Variants in NEGR1 observed in about 807,000 individuals in gnomAD.
NEGR1 encodes neuronal growth regulator 1.
NEGR1 carries 10 observed loss-of-function variants against 40.9 expected under a neutral mutation model. That is an observed-to-expected ratio of 0.24 (90% CI 0.15 to 0.42). The LOEUF is 0.42. Among genes scored for constraint, NEGR1 ranks in the 10% least tolerant of loss-of-function variants. The probability of loss-of-function intolerance (pLI) is 1.00; values close to 1 mark genes in which losing one functional copy is unlikely to be tolerated. For missense variants in NEGR1, 352 were observed against 438.9 expected (o/e 0.80, Z 1.77); for synonymous variants, 185 against 166.8 (o/e 1.11, Z -0.84).
rs1406482295 is a variant in NEGR1 at position 71,495,895 on chromosome 1, A to C, written c.941-88325T>G. On this transcript the variant is annotated intron_variant, in intron 6 of 6. Coordinates refer to ENST00000357731, the MANE Select transcript of NEGR1 (RefSeq NM_173808.3). ...GTTTTAAAGCACTTACTAGGCACTGAAAATGTGTCATCAACTCTCCAGGGA... is the reference window on the plus strand; with the variant it reads ...GTTTTAAAGCACTTACTAGGCACTGCAAATGTGTCATCAACTCTCCAGGGA... Among the ~76,000 whole-genome samples, 5 of 152,188 alleles carry C rather than the reference A, an allele frequency of 3.3e-5. No individual in the cohort carries two copies. The East Asian group carries it at 5.8e-4, about 18-fold the overall frequency.
intron 1 of NEGR1, among the ~76,000 whole-genome samples, chr1:72,045,647 G>C (rs1332644354): frequency 2.6e-5 from 4 of 151,796 alleles, no homozygotes; most frequent in Non-Finnish European, 4.4e-5. Flanking sequence ...CAGCCATGTG[G>C]AACTGTAAAT....
intron 2 of NEGR1, among the ~76,000 whole-genome samples, chr1:71,888,376 T>C (rs891278122): frequency 3.3e-5 from 5 of 152,178 alleles, no homozygotes; most frequent in South Asian, 2.1e-4. Flanking sequence ...TGCGCGAGCC[T>C]AAGCAGGGCG....
At chr1:71,835,017 T>C (rs1417920760) in intron 2 of NEGR1, among the ~76,000 whole-genome samples, 1 of 151,972 alleles carries the variant, frequency 6.6e-6, no homozygotes, top group Non-Finnish European at 1.5e-5. Flanking sequence ...TGGACCAGGC[T>C]GGACTGATTA....
chr1:72,133,198 A>C (rs1269320759), intron 1 of NEGR1, among the ~76,000 whole-genome samples: 1 of 152,120 alleles, frequency 6.6e-6, no homozygotes, highest in African/African-American at 2.4e-5. Flanking sequence ...ATATGTAGAA[A>C]AAAATTACCA....
intron 1 of NEGR1, among the ~76,000 whole-genome samples, chr1:72,048,018 C>G (rs1049761057): frequency 1.3e-5 from 2 of 151,550 alleles, no homozygotes; most frequent in Non-Finnish European, 3.0e-5. Context: ...CCAAAATGGA[C>G]CAACTACTCT....
intron 1 of NEGR1, among the ~76,000 whole-genome samples, chr1:72,003,136 C>T (rs924009717): frequency 1.3e-5 from 2 of 151,966 alleles, no homozygotes; most frequent in African/African-American, 4.8e-5. Flanking sequence ...TAGTAACTTT[C>T]TCTGATTCAG....
intron 1 of NEGR1, among the ~76,000 whole-genome samples, chr1:72,244,384 T>C (rs1654838908): frequency 6.6e-6 from 1 of 151,922 alleles, no homozygotes; most frequent in South Asian, 2.1e-4. Flanking sequence ...TACCCAACAA[T>C]ATTAACTCAT....
intron 2 of NEGR1, among the ~76,000 whole-genome samples, chr1:71,821,705 G>T (rs906246838): frequency 2.0e-5 from 3 of 151,858 alleles, no homozygotes; most frequent in African/African-American, 4.8e-5. Context: ...CACAACACAG[G>T]CCTCTACGGA....
chr1:71,996,777 T>A (rs1313493128), intron 1 of NEGR1, among the ~76,000 whole-genome samples: 2 of 152,126 alleles, frequency 1.3e-5, no homozygotes, highest in Admixed American at 1.3e-4. Flanking sequence ...TTTCGAGAAC[T>A]TTCTTTGTCG....
chr1:72,093,826 T>C (rs1458741298), intron 1 of NEGR1, among the ~76,000 whole-genome samples: 2 of 152,152 alleles, frequency 1.3e-5, no homozygotes, highest in African/African-American at 4.8e-5. Flanking sequence ...ATAGAAAAGG[T>C]TAGTTAATTA....
chr1:71,786,424 C>G (rs984114857), intron 2 of NEGR1, among the ~76,000 whole-genome samples: 3 of 152,156 alleles, frequency 2.0e-5, no homozygotes, highest in African/African-American at 7.2e-5. Context: ...CAACACTGTG[C>G]TCTAGAAAGG....
At chr1:71,819,276 A>G (rs1268544012) in intron 2 of NEGR1, among the ~76,000 whole-genome samples, 1 of 152,022 alleles carries the variant, frequency 6.6e-6, no homozygotes, top group Non-Finnish European at 1.5e-5. Context: ...GAGATGTCCG[A>G]CAACAAAGAC....
chr1:71,598,392 A>G (rs1649798489), intron 5 of NEGR1, among the ~76,000 whole-genome samples: 1 of 152,240 alleles, frequency 6.6e-6, no homozygotes, highest in Admixed American at 6.5e-5. Flanking sequence ...ATTAACTAAA[A>G]AAATGATACT....
At chr1:72,003,733 T>C (rs1302054505) in intron 1 of NEGR1, among the ~76,000 whole-genome samples, 1 of 152,142 alleles carries the variant, frequency 6.6e-6, no homozygotes, top group Non-Finnish European at 1.5e-5. Context: ...AAAAGCACTT[T>C]GATAGGAATT....
intron 6 of NEGR1, among the ~76,000 whole-genome samples, chr1:71,520,295 T>C (rs1647147147): frequency 6.6e-6 from 1 of 152,072 alleles, no homozygotes; most frequent in South Asian, 2.1e-4. Context: ...TGCCTTTTAT[T>C]TGGATTCCAC....
chr1:71,788,491 GTC>G (rs531487415), intron 2 of NEGR1, among the ~76,000 whole-genome samples: 57 of 152,178 alleles, frequency 3.7e-4, no homozygotes, highest in African/African-American at 1.3e-3. Context: ...AAAAAATGCA[GTC>G]TCTTGACAGA....
intron 2 of NEGR1, among the ~76,000 whole-genome samples, chr1:71,815,563 A>G (rs150942635): frequency 6.6e-6 from 1 of 152,084 alleles, no homozygotes; most frequent in Non-Finnish European, 1.5e-5. Context: ...AGGTCTCTAA[A>G]AACTTGTTTT....
At chr1:71,796,589 G>A (rs952730102) in intron 2 of NEGR1, among the ~76,000 whole-genome samples, 5 of 152,122 alleles carry the variant, frequency 3.3e-5, no homozygotes, top group Admixed American at 3.3e-4. Context: ...TTTTGTCACA[G>A]TGAAGAATGA....
chr1:71,793,560 T>C (rs1460183840), intron 2 of NEGR1, among the ~76,000 whole-genome samples: 2 of 151,786 alleles, frequency 1.3e-5, no homozygotes, highest in Non-Finnish European at 1.5e-5. Context: ...ATGAGGAAAA[T>C]ATTGCCAATT....
Sources: allele counts gnomAD v4.1 joint callset (sites outside exome capture counted in the v4.1 genomes callset), GRCh38; gene constraint gnomAD v4.1.1; transcripts MANE v1.5; gene names NCBI Gene and HGNC (gene_info 2026-07-23, HGNC 2026-07-21).